The following PRKCH variants were observed in gnomAD, a reference collection of about 807,000 sequenced individuals.
PRKCH encodes the protein protein kinase C eta.
A neutral mutation model predicts 82.5 loss-of-function variants in PRKCH; 28 were observed. The observed-to-expected ratio is 0.34, with a 90% confidence interval of 0.25 to 0.47. The LOEUF (loss-of-function observed/expected upper bound fraction) is 0.47, where lower values mean the gene tolerates loss of function less well. Among genes scored for constraint, PRKCH ranks in the 20% least tolerant of loss-of-function variants. The probability of loss-of-function intolerance (pLI) is 1.00; values close to 1 mark genes in which losing one functional copy is unlikely to be tolerated. For missense variants in PRKCH, 705 were observed against 881.8 expected (o/e 0.80, Z 2.54); for synonymous variants, 322 against 327.4 (o/e 0.98, Z 0.18).
chr14:61,383,164 T>C (rs141843828), intron 1 of PRKCH, among the ~76,000 whole-genome samples: 137 of 152,324 alleles, frequency 9.0e-4, no homozygotes, highest in Non-Finnish European at 1.8e-3. Flanking sequence ...TTGTCATCCA[T>C]ATGTCACCGG....
intron 10 of PRKCH, among the ~76,000 whole-genome samples, chr14:61,489,657 G>T (rs1197860615): frequency 6.6e-6 from 1 of 152,222 alleles, no homozygotes; most frequent in African/African-American, 2.4e-5. Context: ...CATCAAGTCA[G>T]TTCTCCCAAG....
At chr14:61,441,067 T>A (rs202156251) in intron 2 of PRKCH, among the ~76,000 whole-genome samples, 111 of 141,078 alleles carry the variant, frequency 7.9e-4, no homozygotes, top group Non-Finnish European at 1.1e-3. Flanking sequence ...TGGCTTTTTT[T>A]AAAATTTTTT....
At chr14:61,388,306 C>A (rs2046620929) in intron 1 of PRKCH, among the ~76,000 whole-genome samples, 1 of 152,212 alleles carries the variant, frequency 6.6e-6, no homozygotes, top group Non-Finnish European at 1.5e-5. Context: ...CACTTGAAGA[C>A]CGTGTTTAAA....
intron 1 of PRKCH, chr14:61,281,895 T>C (rs943903238): frequency 1.2e-5 from 1 of 82,728 alleles, no homozygotes; most frequent in African/African-American, 3.2e-5. Flanking sequence ...TTTTTTTTTT[T>C]TTTTTTAAGG....
At chr14:61,262,212 C>T (rs568900167) in intron 1 of PRKCH, among the ~76,000 whole-genome samples, 1 of 78,514 alleles carries the variant, frequency 1.3e-5, no homozygotes, top group East Asian at 4.1e-4. Flanking sequence ...CAGAGTGAGA[C>T]TCTGTATAAA....
chr14:61,366,574 T>C (rs1395667342), intron 1 of PRKCH, among the ~76,000 whole-genome samples: 3 of 152,068 alleles, frequency 2.0e-5, no homozygotes, highest in South Asian at 4.1e-4. Context: ...ATTTTGGAGA[T>C]GATAGTCTCA....
At chr14:61,223,444 A>G (rs1158569550) in intron 1 of PRKCH, among the ~76,000 whole-genome samples, 1 of 152,174 alleles carries the variant, frequency 6.6e-6, no homozygotes, top group African/African-American at 2.4e-5. Flanking sequence ...TTGAGACCAT[A>G]GCTGAGATGA....
At chr14:61,243,613 A>G (rs984403672) in intron 1 of PRKCH, among the ~76,000 whole-genome samples, 16 of 152,038 alleles carry the variant, frequency 1.1e-4, no homozygotes, top group Non-Finnish European at 2.9e-5. Context: ...TGGTTTTTGC[A>G]TTTTATTTTA....
chr14:61,253,808 G>T (rs938698045), intron 1 of PRKCH, among the ~76,000 whole-genome samples: 1 of 152,164 alleles, frequency 6.6e-6, no homozygotes, highest in African/African-American at 2.4e-5. Context: ...AGTGTCCACT[G>T]CAAAGTGTTA....
chr14:61,290,304 A>C (rs2045350293), intron 1 of PRKCH, among the ~76,000 whole-genome samples: 1 of 152,112 alleles, frequency 6.6e-6, no homozygotes, highest in South Asian at 2.1e-4. Flanking sequence ...AAAAAGAAAA[A>C]AAAAAAAGTA....
In PRKCH at chr14:61,392,961, C is replaced by T. The variant is rs150871624; in HGVS notation, c.427+1673C>T. The stretch of plus-strand genomic sequence containing the variant: ...AGTTGAAACATTTTTTTTCAATACA[C>T]GAATGCAGTTGTTCTAGCACCATTT... On this transcript the variant is annotated intron_variant, in intron 2 of 13. Coordinates refer to ENST00000332981, the MANE Select transcript of PRKCH (RefSeq NM_006255.5). Among the ~76,000 whole-genome samples, 45 of 151,602 alleles carry T rather than the reference C, an allele frequency of 3.0e-4. No homozygotes were observed. In the East Asian group the frequency reaches 6.0e-3, roughly 20 times the overall value.
chr14:61,326,500 A>G (rs2045698213), intron 1 of PRKCH, among the ~76,000 whole-genome samples: 1 of 152,212 alleles, frequency 6.6e-6, no homozygotes, highest in African/African-American at 2.4e-5. Context: ...TGTTATTCTG[A>G]TTGTGGCAAT....
chr14:61,533,421 G>A (rs1440720346), intron 12 of PRKCH, among the ~76,000 whole-genome samples: 1 of 151,794 alleles, frequency 6.6e-6, no homozygotes, highest in African/African-American at 2.4e-5. Context: ...TCTTTGCAGG[G>A]GACTGAGACA....
At chr14:61,512,912 A>G (rs534915839) in intron 10 of PRKCH, among the ~76,000 whole-genome samples, 2 of 149,918 alleles carry the variant, frequency 1.3e-5, no homozygotes, top group East Asian at 3.9e-4. Context: ...AAACTCCTGG[A>G]TTCACGTGAT....
At chr14:61,240,516 G>A (rs186726565) in intron 1 of PRKCH, among the ~76,000 whole-genome samples, 8 of 152,288 alleles carry the variant, frequency 5.3e-5, no homozygotes, top group Admixed American at 5.2e-4. Context: ...GGGCAGGACT[G>A]CCAGTTGGGT....
At chr14:61,425,497 G>A (rs1288237860) in intron 2 of PRKCH, among the ~76,000 whole-genome samples, 1 of 152,088 alleles carries the variant, frequency 6.6e-6, no homozygotes, top group African/African-American at 2.4e-5. Flanking sequence ...CCTTTGTTTT[G>A]GCCAATTTAT....
intron 2 of PRKCH, among the ~76,000 whole-genome samples, chr14:61,400,377 TA>T (rs1000253165): frequency 1.1e-4 from 16 of 152,344 alleles, no homozygotes; most frequent in African/African-American, 3.4e-4. Flanking sequence ...AATGTAGCTT[TA>T]AAAAAATTTA....
At chr14:61,420,951 G>C (rs532560210) in intron 2 of PRKCH, among the ~76,000 whole-genome samples, 1 of 152,248 alleles carries the variant, frequency 6.6e-6, no homozygotes, top group South Asian at 2.1e-4. Flanking sequence ...TCTGGCCCTA[G>C]ATAGGCTAAA....
At chr14:61,518,779 T>C (rs2042862529) in intron 10 of PRKCH, among the ~76,000 whole-genome samples, 1 of 152,154 alleles carries the variant, frequency 6.6e-6, no homozygotes, top group Admixed American at 6.5e-5. Flanking sequence ...TGGGAATTAG[T>C]TTGTGAGTCT....
Sources: gnomAD v4.1 joint callset for allele counts (sites outside exome capture counted in the v4.1 genomes callset) on GRCh38, gnomAD v4.1.1 for gene constraint, MANE v1.5 for transcripts, NCBI Gene and HGNC (gene_info 2026-07-23, HGNC 2026-07-21) for gene names.